The following SLC12A7 variants were observed in gnomAD, a reference collection of about 807,000 sequenced individuals.
SLC12A7 encodes the protein solute carrier family 12 member 7.
A neutral mutation model predicts 120.6 loss-of-function variants in SLC12A7; 100 were observed. The observed-to-expected ratio is 0.83, with a 90% CI of 0.71 to 0.98. SLC12A7 has a LOEUF of 0.98. Ranked by LOEUF, SLC12A7 falls within the 50% of genes least tolerant of loss-of-function variation. The pLI, the probability that SLC12A7 is intolerant of heterozygous loss-of-function variation, is 0.00. For synonymous variants in SLC12A7, 760 were observed against 678.0 expected (o/e 1.12, Z -1.88); for missense variants, 1,373 against 1,548.1 (o/e 0.89, Z 1.90).
chr5:1,076,298 C>CCA (rs1738330591), intron 13 of SLC12A7, 62 bp from the exon 14 acceptor site: 5 of 1,379,984 alleles, frequency 3.6e-6, no homozygotes, highest in Non-Finnish European at 5.0e-6. Context: ...CCAGTCACTG[C>CCA]CACCTGGGAG....
Position 1,055,474 on chromosome 5 carries a change from C to T in SLC12A7, c.3027-1992G>A, listed in dbSNP as rs536491167. ...CGCACTGCCCAGAAGAGGTCAGGGC[C>T]GACCTCCAGATCTTCGGAGGGCTTC... On this transcript the variant is annotated intron_variant, in intron 22 of 23. Coordinates refer to ENST00000264930, the MANE Select transcript of SLC12A7 (RefSeq NM_006598.3). Among the ~76,000 whole-genome samples, 9 of 152,364 alleles carry T rather than the reference C, an allele frequency of 5.9e-5. No individual in the cohort carries two copies. The South Asian group carries it at 8.3e-4, about 14-fold the overall frequency.
intron 15 of SLC12A7, 86 bp downstream of exon 15, chr5:1,075,285 C>A: frequency 6.6e-7 from 1 of 1,520,442 alleles, no homozygotes; most frequent in Non-Finnish European, 8.9e-7. Flanking sequence ...CCAGGGAGGC[C>A]CCTCCAGGGA....
At chr5:1,083,049 A>G (rs1739385960) in intron 8 of SLC12A7, among the ~76,000 whole-genome samples, 1 of 148,612 alleles carries the variant, frequency 6.7e-6, no homozygotes, top group South Asian at 2.1e-4. Flanking sequence ...CAGGTTCTGG[A>G]AAGTCCAGGC....
chr5:1,145,731 A>G, the SLC12A7 span, among the ~76,000 whole-genome samples: 1 of 152,116 alleles, frequency 6.6e-6, no homozygotes, highest in South Asian at 2.1e-4. The surrounding 1 kb of genome is among the most constrained non-coding windows in gnomAD (Gnocchi z 4.4). Context: ...TCCTCTCAGA[A>G]AACTAGAGGC....
the SLC12A7 span, among the ~76,000 whole-genome samples, chr5:1,148,559 G>A: frequency 2.0e-5 from 3 of 152,156 alleles, no homozygotes. Flanking sequence ...CTATCAAAAT[G>A]TTATACAAAA....
At position 1,077,862 on chromosome 5, in the gene SLC12A7, C is replaced by T; in HGVS notation, c.1600G>A (p.Ala534Thr). The change falls in exon 12 of 24, where the codon GCC (alanine) becomes ACC (threonine). Residue 534 changes from alanine to threonine, a missense_variant. Transcript: ENST00000264930. The part of the protein sequence containing the change: ...TGAPRLLQAI[A>T]RDGIVPFLQV... Reference sequence around the variant, plus strand: ...AGGAAGGGGACGATGCCGTCACGGGCAATGGCCTGCAGTAGGCGCGGTGCC... The same window carrying T: ...AGGAAGGGGACGATGCCGTCACGGGTAATGGCCTGCAGTAGGCGCGGTGCC... The T allele has an allele frequency of 6.3e-7, 1 of 1,594,696 alleles. No individual in the cohort carries two copies.
chr5:1,083,771 G>C lies in SLC12A7; in HGVS notation c.1103C>G (p.Pro368Arg), dbSNP rs149551146. The C allele has an allele frequency of 1.2e-6, 2 of 1,612,474 alleles. No individual in the cohort carries two copies. Among genetic ancestry groups the C allele is most frequent in the Non-Finnish European group, 1.7e-6 (2 of 1,179,846 alleles). ...QNNVTEIQGI[P>R]GAASGVFLEN... ...CAGGAAGACACCACTGGCCGCGCCC[G>C]GGATGCCCTGGATTTCGGTGACGTT... Residue 368 changes from proline to arginine, a missense_variant, in exon 8 of 24, where the codon CCG (proline) becomes CGG (arginine). Coordinates refer to ENST00000264930, the MANE Select transcript of SLC12A7 (RefSeq NM_006598.3).
At chr5:1,145,327 A>G in the SLC12A7 span, among the ~76,000 whole-genome samples, 1 of 151,738 alleles carries the variant, frequency 6.6e-6, no homozygotes, top group Non-Finnish European at 1.5e-5. The surrounding 1 kb of genome is among the most constrained non-coding windows in gnomAD (Gnocchi z 4.4). Context: ...CCCTGTGGGG[A>G]CACAGCTGCT....
At chr5:1,131,621 C>T in the SLC12A7 span, among the ~76,000 whole-genome samples, 2 of 152,334 alleles carry the variant, frequency 1.3e-5, no homozygotes, top group Admixed American at 6.5e-5. Context: ...CCTAACCAGG[C>T]GCTAGGGCTG....
chr5:1,097,161 T>C (rs1220824064), intron 1 of SLC12A7, among the ~76,000 whole-genome samples: 2 of 152,204 alleles, frequency 1.3e-5, no homozygotes, highest in East Asian at 1.9e-4. Context: ...GTTGAGGTCT[T>C]AGCATGTAAC....
At chr5:1,142,093 C>T in the SLC12A7 span, among the ~76,000 whole-genome samples, 1 of 152,114 alleles carries the variant, frequency 6.6e-6, no homozygotes, top group East Asian at 1.9e-4. Context: ...GGCCACTCCC[C>T]TCCCCAGAGC....
At chr5:1,093,763 C>A in intron 2 of SLC12A7, 108 bp from the exon 3 acceptor site, 2 of 1,496,492 alleles carry the variant, frequency 1.3e-6, no homozygotes, top group Non-Finnish European at 9.0e-7. Context: ...GGGTCCTCAG[C>A]CCCTGGGTCT....
intron 20 of SLC12A7, among the ~76,000 whole-genome samples, chr5:1,061,529 G>A (rs1308231538): frequency 1.5e-5 from 2 of 136,666 alleles, no homozygotes; most frequent in Admixed American, 1.4e-4. Context: ...CGCACCTGCC[G>A]CATCCGCCAT....
intron 9 of SLC12A7, 52 bp downstream of exon 9, chr5:1,081,525 A>T: frequency 6.4e-7 from 1 of 1,565,852 alleles, no homozygotes; most frequent in African/African-American, 1.3e-5. Flanking sequence ...TTGCCTCAAA[A>T]AAGAGAGGGA....
Position 1,053,463 on chromosome 5 carries a change from G to A in SLC12A7, c.3046C>T (p.Arg1016Trp), listed in dbSNP as rs1370510146. The A allele has an allele frequency of 1.9e-6, 3 of 1,613,738 alleles. No individual in the cohort carries two copies. The highest frequency in any genetic ancestry group is 1.3e-5 in the African/African-American group (1 of 75,070). Residue 1016 changes from arginine (R) to tryptophan (W), a missense_variant, in exon 23 of 24, where the codon CGG becomes TGG. Physicochemically the swap from Arg to Trp is moderately radical, Grantham distance 101 (BLOSUM62 -3). Transcript: ENST00000264930. The stretch of plus-strand genomic sequence containing the variant: ...TTGAGCTTCACAGCCGTGTGCATCC[G>A]CCTGACGTTGGACTGGTCCCTGCAG... ...SMKPDQSNVRRMHTAVKLNGV... is the reference protein window; with the variant it reads ...SMKPDQSNVRWMHTAVKLNGV...
chr5:1,099,590 G>A (rs1351774924), intron 1 of SLC12A7, among the ~76,000 whole-genome samples: 1 of 152,086 alleles, frequency 6.6e-6, no homozygotes, highest in Admixed American at 6.5e-5. Flanking sequence ...CACAAAACTC[G>A]CCTCCCCTCC....
intron 9 of SLC12A7, 79 bp downstream of exon 9, chr5:1,081,498 G>T: frequency 6.9e-7 from 1 of 1,458,068 alleles, no homozygotes; most frequent in Non-Finnish European, 9.4e-7. Context: ...CTCCAGCCTG[G>T]GTGACAGAGC....
chr5:1,143,303 G>C, the SLC12A7 span, among the ~76,000 whole-genome samples: 2 of 152,234 alleles, frequency 1.3e-5, no homozygotes, highest in Non-Finnish European at 2.9e-5. Flanking sequence ...ATGGGCGGGG[G>C]CTTCAACACT....
chr5:1,154,487 A>G, the SLC12A7 span, among the ~76,000 whole-genome samples: 1 of 152,058 alleles, frequency 6.6e-6, no homozygotes, highest in African/African-American at 2.4e-5. Flanking sequence ...ACACATATAC[A>G]CACATCACAC....
Sources: gnomAD v4.1 joint callset for allele counts (sites outside exome capture counted in the v4.1 genomes callset) on GRCh38, gnomAD v4.1.1 for gene constraint, Gnocchi (gnomAD v3.1) non-coding constraint, MANE v1.5 for transcripts, NCBI Gene and HGNC (gene_info 2026-07-23, HGNC 2026-07-21) for gene names.